Variants in KSR2 observed in about 807,000 individuals in gnomAD.
The protein encoded by KSR2 is kinase suppressor of ras 2.
In KSR2, 25 loss-of-function variants were observed where a neutral mutation model predicts 107.8. The ratio of observed to expected loss-of-function variants is 0.23; its 90% CI spans 0.17 to 0.32. The LOEUF (loss-of-function observed/expected upper bound fraction) is 0.32, where lower values mean the gene tolerates loss of function less well. Ranked by LOEUF, KSR2 falls within the 10% of genes least tolerant of loss-of-function variation. The pLI, the probability that KSR2 is intolerant of heterozygous loss-of-function variation, is 1.00. For synonymous variants in KSR2, 480 were observed against 507.0 expected, an observed-to-expected ratio of 0.95 and a Z score of 0.71; for missense variants, 887 against 1,268.9, an observed-to-expected ratio of 0.70 and a Z score of 4.57.
At chr12:117,937,640 A>C (rs972397809) in intron 1 of KSR2, among the ~76,000 whole-genome samples, 6 of 151,870 alleles carry the variant, frequency 4.0e-5, no homozygotes, top group African/African-American at 1.2e-4. Flanking sequence ...AGACAGGAAA[A>C]TATGTGGTCC....
chr12:117,651,435 C>G (rs1200960207), intron 5 of KSR2, among the ~76,000 whole-genome samples: 1 of 152,120 alleles, frequency 6.6e-6, no homozygotes, highest in Admixed American at 6.5e-5. Context: ...TTTATATAAA[C>G]AGCAATCTAG....
intron 14 of KSR2, among the ~76,000 whole-genome samples, chr12:117,506,213 C>T (rs965700622): frequency 5.9e-5 from 9 of 152,110 alleles, no homozygotes; most frequent in African/African-American, 2.2e-4. Context: ...AGTATTGGGC[C>T]CAACGAAACA....
intron 5 of KSR2, among the ~76,000 whole-genome samples, chr12:117,592,794 A>C: frequency 6.6e-6 from 1 of 152,124 alleles, no homozygotes; most frequent in East Asian, 1.9e-4. Flanking sequence ...GGAGAATCTA[A>C]GATGGTAACA....
intron 4 of KSR2, among the ~76,000 whole-genome samples, chr12:117,702,078 C>A (rs1431924427): frequency 6.6e-5 from 10 of 152,320 alleles, no homozygotes; most frequent in African/African-American, 2.4e-4. Flanking sequence ...TCAAGTGCAA[C>A]TGCAACATGC....
chr12:117,928,469 C>A lies in KSR2; in HGVS notation c.180+39607G>T, dbSNP rs567654204. Among the ~76,000 whole-genome samples the A allele has an allele frequency of 2.2e-4, 33 of 152,306 alleles. 1 individual carries two copies. The highest frequency in any genetic ancestry group is 7.2e-4 in the African/African-American group (30 of 41,572). On this transcript the variant is annotated intron_variant, in intron 1 of 19. Coordinates refer to ENST00000339824, the MANE Select transcript of KSR2 (RefSeq NM_173598.6). ...AAAGTGCTGGGATTACAGGCATGAG[C>A]CACCACGCCTGGCCTTCATTCCTTT...
chr12:117,826,161 G>C (rs1460389837), intron 3 of KSR2, among the ~76,000 whole-genome samples: 1 of 151,984 alleles, frequency 6.6e-6, no homozygotes, highest in African/African-American at 2.4e-5. Flanking sequence ...ATGAATGAAT[G>C]AATGAATTCA....
intron 5 of KSR2, among the ~76,000 whole-genome samples, chr12:117,660,673 G>C (rs748522544): frequency 6.6e-6 from 1 of 152,136 alleles, no homozygotes; most frequent in South Asian, 2.1e-4. Context: ...CCATGACAAG[G>C]CCGAATCTAC....
chr12:117,601,339 C>T (rs1039499859), intron 5 of KSR2, among the ~76,000 whole-genome samples: 1 of 151,372 alleles, frequency 6.6e-6, no homozygotes, highest in Admixed American at 6.6e-5. Flanking sequence ...GTGTCCTTCC[C>T]CAAAATTTAC....
At chr12:117,810,540 T>A (rs1891157103) in intron 3 of KSR2, among the ~76,000 whole-genome samples, 1 of 152,196 alleles carries the variant, frequency 6.6e-6, no homozygotes, top group Admixed American at 6.5e-5. Context: ...CTCAAACCCC[T>A]GGGCTCAAGA....
chr12:117,966,619 G>GCACACA (rs1488587930), intron 1 of KSR2, among the ~76,000 whole-genome samples: 13 of 130,104 alleles, frequency 1.0e-4, no homozygotes, highest in Non-Finnish European at 1.6e-4. Flanking sequence ...TCTCACACGC[G>GCACACA]CACGCACACA....
intron 5 of KSR2, among the ~76,000 whole-genome samples, chr12:117,613,738 T>C (rs921123921): frequency 1.3e-5 from 2 of 152,218 alleles, no homozygotes; most frequent in Non-Finnish European, 2.9e-5. Context: ...CAGCCTATCC[T>C]AAGGACATCA....
chr12:117,474,624 A>G (rs1871664224), intron 17 of KSR2, among the ~76,000 whole-genome samples: 1 of 152,166 alleles, frequency 6.6e-6, no homozygotes, highest in South Asian at 2.1e-4. Context: ...ATGGGAGCCT[A>G]GAAGCCTTTC....
intron 1 of KSR2, among the ~76,000 whole-genome samples, chr12:117,891,781 G>A (rs1894350202): frequency 6.6e-6 from 1 of 152,098 alleles, no homozygotes; most frequent in African/African-American, 2.4e-5. Context: ...GAGCCCAGGA[G>A]TTCAAGACCA....
intron 4 of KSR2, among the ~76,000 whole-genome samples, chr12:117,695,832 A>T (rs1286445830): frequency 6.6e-6 from 1 of 152,136 alleles, no homozygotes; most frequent in African/African-American, 2.4e-5. Context: ...TGTGGGGAAG[A>T]GAGAGAAAGA....
intron 4 of KSR2, among the ~76,000 whole-genome samples, chr12:117,736,804 C>A (rs1421982513): frequency 2.8e-5 from 4 of 145,042 alleles, no homozygotes; most frequent in East Asian, 2.0e-4. Context: ...CAGAGCAAGA[C>A]CCTGTCTCAA....
chr12:117,880,955 C>T (rs1382637482), intron 1 of KSR2, among the ~76,000 whole-genome samples: 1 of 147,266 alleles, frequency 6.8e-6, no homozygotes, highest in Non-Finnish European at 1.5e-5. Context: ...CAGGCGTGAG[C>T]CACCATGCCT....
At chr12:117,846,465 AT>A (rs575562217) in intron 3 of KSR2, among the ~76,000 whole-genome samples, 1 of 150,586 alleles carries the variant, frequency 6.6e-6, no homozygotes, top group East Asian at 2.0e-4. Flanking sequence ...AGTTAGATGG[AT>A]TTTTTGTCTA....
intron 7 of KSR2, among the ~76,000 whole-genome samples, chr12:117,570,986 G>T (rs981405764): frequency 3.3e-5 from 5 of 152,182 alleles, no homozygotes; most frequent in Non-Finnish European, 7.3e-5. Context: ...AGCCAGGCAC[G>T]GTGGCTCATG....
At position 117,587,931 on chromosome 12, in the gene KSR2, G is replaced by A. The variant is rs866821066; in HGVS notation, c.1172-5572C>T. Among the ~76,000 whole-genome samples the A allele has an allele frequency of 9.9e-5, 15 of 152,192 alleles. No homozygotes were observed. In the South Asian group the frequency reaches 1.0e-3, roughly 11 times the overall value. On this transcript the variant is annotated intron_variant, in intron 5 of 19. Coordinates refer to ENST00000339824, the MANE Select transcript of KSR2 (RefSeq NM_173598.6). The stretch of plus-strand genomic sequence containing the variant: ...TGGAAAAAACAGGGAGGGCCTCCCC[G>A]CCTCCCTATCCCTGCATCAATGCTC...
Sources: allele counts gnomAD v4.1 joint callset (sites outside exome capture counted in the v4.1 genomes callset), GRCh38; gene constraint gnomAD v4.1.1; transcripts MANE v1.5; gene names NCBI Gene and HGNC (gene_info 2026-07-23, HGNC 2026-07-21).